Variants in TENM2 observed in about 807,000 individuals in gnomAD.
TENM2 encodes the protein teneurin transmembrane protein 2.
In TENM2, 52 loss-of-function variants were observed where a neutral mutation model predicts 245.2. That is an observed-to-expected ratio of 0.21 (90% confidence interval 0.17 to 0.27). The LOEUF (loss-of-function observed/expected upper bound fraction) is 0.27, where lower values mean the gene tolerates loss of function less well. Among genes scored for constraint, TENM2 ranks in the 10% least tolerant of loss-of-function variants. The pLI is 1.00. For missense variants in TENM2, 3,046 were observed against 3,666.8 expected (o/e 0.83, Z 4.37); for synonymous variants, 1,363 against 1,438.9 (o/e 0.95, Z 1.19).
the TENM2 span, among the ~76,000 whole-genome samples, chr5:167,035,219 C>G: frequency 1.3e-5 from 2 of 151,754 alleles, no homozygotes; most frequent in Non-Finnish European, 2.9e-5. Flanking sequence ...ATTAATTACA[C>G]TCTATTGGAA....
intron 2 of TENM2, among the ~76,000 whole-genome samples, chr5:167,515,678 T>TACAC (rs1336444347): frequency 4.1e-5 from 6 of 147,694 alleles, no homozygotes; most frequent in African/African-American, 1.5e-4. Context: ...TGTGTATATA[T>TACAC]ATTTTGAGAG....
intron 4 of TENM2, among the ~76,000 whole-genome samples, chr5:167,978,244 T>C (rs1370184399): frequency 6.6e-6 from 1 of 152,224 alleles, no homozygotes; most frequent in African/African-American, 2.4e-5. Context: ...GGCACCTCTA[T>C]GATGCAGCAA....
At chr5:168,211,365 C>T (rs1762789935) in intron 19 of TENM2, among the ~76,000 whole-genome samples, 2 of 152,254 alleles carry the variant, frequency 1.3e-5, no homozygotes, top group Non-Finnish European at 2.9e-5. Flanking sequence ...CAAAATCCTT[C>T]TACCACCACA....
chr5:167,929,070 AAAG>A (rs1778030759), intron 3 of TENM2, among the ~76,000 whole-genome samples: 2 of 32,298 alleles, frequency 6.2e-5, no homozygotes, highest in South Asian at 2.0e-3. Flanking sequence ...AGAAAGAAAG[AAAG>A]AAAGAAAGAA....
intron 2 of TENM2, among the ~76,000 whole-genome samples, chr5:167,814,453 CAAA>C (rs11324953): frequency 1.2e-5 from 1 of 83,936 alleles, no homozygotes; most frequent in Non-Finnish European, 2.4e-5. Flanking sequence ...CACTCCGATT[CAAA>C]AAAAAAAAAA....
intron 2 of TENM2, among the ~76,000 whole-genome samples, chr5:167,651,841 A>G (rs886924730): frequency 2.0e-5 from 3 of 152,152 alleles, no homozygotes; most frequent in African/African-American, 4.8e-5. Context: ...ATCACATGCA[A>G]TACCCCAAGA....
chr5:167,128,315 T>C, the TENM2 span, among the ~76,000 whole-genome samples: 1 of 152,288 alleles, frequency 6.6e-6, no homozygotes, highest in Middle Eastern at 3.4e-3. Context: ...GGAAGGTTAT[T>C]TCTCACCATC....
chr5:167,331,993 T>A (rs980189939), intron 1 of TENM2, among the ~76,000 whole-genome samples: 3 of 152,148 alleles, frequency 2.0e-5, no homozygotes, highest in African/African-American at 7.2e-5. Context: ...GGAAAAAAAA[T>A]TGCCTTTATC....
intron 9 of TENM2, 61 bp from the exon 12 acceptor site, chr5:168,118,231 T>G: frequency 1.5e-6 from 2 of 1,356,226 alleles, no homozygotes; most frequent in Non-Finnish European, 2.0e-6. Flanking sequence ...CTCCTTAGAC[T>G]GCCATAGCCC....
chr5:167,089,225 C>G, the TENM2 span, among the ~76,000 whole-genome samples: 1 of 152,136 alleles, frequency 6.6e-6, no homozygotes, highest in Non-Finnish European at 1.5e-5. Flanking sequence ...TGAACACTTT[C>G]TTAAATAAGA....
At chr5:167,194,047 T>C in the TENM2 span, among the ~76,000 whole-genome samples, 1 of 152,018 alleles carries the variant, frequency 6.6e-6, no homozygotes, top group Non-Finnish European at 1.5e-5. Context: ...ATGGCATCTC[T>C]AGATAAGACT....
At chr5:167,233,713 A>AT in the TENM2 span, among the ~76,000 whole-genome samples, 2 of 152,182 alleles carry the variant, frequency 1.3e-5, no homozygotes, top group Admixed American at 6.5e-5. Context: ...TATAAAAGCC[A>AT]TTTAGAAAGA....
At chr5:168,230,619 G>GCTCTT (rs2152630534) in intron 25 of TENM2, among the ~76,000 whole-genome samples, 1 of 152,044 alleles carries the variant, frequency 6.6e-6, no homozygotes, top group East Asian at 1.9e-4. Flanking sequence ...GGCAAGATGG[G>GCTCTT]CTCTTCTCTC....
intron 19 of TENM2, among the ~76,000 whole-genome samples, chr5:168,211,164 AG>A (rs1762777224): frequency 6.6e-6 from 1 of 152,204 alleles, no homozygotes; most frequent in Non-Finnish European, 1.5e-5. Flanking sequence ...TCAGAGTCTC[AG>A]GGTTCAACAG....
intron 2 of TENM2, among the ~76,000 whole-genome samples, chr5:167,777,294 G>A (rs1482059406): frequency 2.6e-5 from 4 of 152,138 alleles, no homozygotes; most frequent in Non-Finnish European, 5.9e-5. Context: ...ATCTCTGGAA[G>A]GGGAAATTAT....
At chr5:168,236,091 C>G (rs1372088589) in intron 25 of TENM2, among the ~76,000 whole-genome samples, 1 of 152,190 alleles carries the variant, frequency 6.6e-6, no homozygotes, top group African/African-American at 2.4e-5. Context: ...AGGGTAAGGT[C>G]AAGGGGTAGA....
chr5:167,971,960 G>A (rs1220533417), intron 4 of TENM2, among the ~76,000 whole-genome samples: 1 of 152,218 alleles, frequency 6.6e-6, no homozygotes, highest in African/African-American at 2.4e-5. Context: ...TCTGGCCAGA[G>A]CTTTCCCCAG....
intron 2 of TENM2, among the ~76,000 whole-genome samples, chr5:167,483,949 T>G (rs1047028720): frequency 9.2e-5 from 14 of 152,208 alleles, no homozygotes; most frequent in Non-Finnish European, 1.5e-4. Context: ...TTAATTTCGA[T>G]GCTAATTATG....
rs141153162 is a variant in TENM2, at chr5:167,919,949, C to T, written c.713-32639C>T. ...AAATCAAGACATTCTTTTTTTTGGACGAGAAAAGGCAAGTGTGGTAGAAGT... is the reference window on the plus strand; with the variant it reads ...AAATCAAGACATTCTTTTTTTTGGATGAGAAAAGGCAAGTGTGGTAGAAGT... On this transcript the variant is annotated intron_variant, in intron 3 of 28. Transcript: ENST00000518659. Among the ~76,000 whole-genome samples, 53 of 151,774 alleles carry T rather than the reference C, an allele frequency of 3.5e-4. No homozygotes were observed. In the East Asian group the frequency reaches 9.1e-3, roughly 26 times the overall value.
Sources: gnomAD v4.1 joint callset for allele counts (sites outside exome capture counted in the v4.1 genomes callset) on GRCh38, gnomAD v4.1.1 for gene constraint, MANE v1.5 for transcripts, NCBI Gene and HGNC (gene_info 2026-07-23, HGNC 2026-07-21) for gene names.